Variants in ERC2 observed in about 807,000 individuals in gnomAD.
The protein encoded by ERC2 is ELKS/RAB6-interacting/CAST family member 2, also known as ERC protein 2.
A neutral mutation model predicts 114.8 loss-of-function variants in ERC2; 42 were observed. The ratio of observed to expected loss-of-function variants is 0.37; its 90% confidence interval spans 0.29 to 0.47. The LOEUF (loss-of-function observed/expected upper bound fraction) is 0.47, where lower values mean the gene tolerates loss of function less well. Ranked by LOEUF, ERC2 falls within the 20% of genes least tolerant of loss-of-function variation. The pLI is 0.99. For missense variants in ERC2, 939 were observed against 1,150.7 expected (o/e 0.82, Z 2.66); for synonymous variants, 454 against 425.5 (o/e 1.07, Z -0.82).
At chr3:56,190,740 A>AT (rs1202065130) in intron 3 of ERC2, among the ~76,000 whole-genome samples, 1 of 151,684 alleles carries the variant, frequency 6.6e-6, no homozygotes. Context: ...CACCCAGATA[A>AT]TTTTTTTTAT....
chr3:56,167,881 G>A (rs977973459), intron 4 of ERC2, among the ~76,000 whole-genome samples: 4 of 152,096 alleles, frequency 2.6e-5, no homozygotes, highest in African/African-American at 9.7e-5. Flanking sequence ...ACACATGCAT[G>A]TAAAAAGGAT....
intron 8 of ERC2, among the ~76,000 whole-genome samples, chr3:56,015,478 T>C (rs1281775379): frequency 6.6e-6 from 1 of 152,122 alleles, no homozygotes; most frequent in Non-Finnish European, 1.5e-5. Context: ...TTTCTGTTCC[T>C]GCATTAGTTT....
intron 13 of ERC2, among the ~76,000 whole-genome samples, chr3:55,905,402 A>C (rs1396065421): frequency 6.6e-6 from 1 of 151,222 alleles, no homozygotes; most frequent in Non-Finnish European, 1.5e-5. Context: ...TTTTTTGTGG[A>C]CCTCACAGTT....
chr3:55,536,217 T>C (rs2053990983), intron 17 of ERC2, among the ~76,000 whole-genome samples: 2 of 152,178 alleles, frequency 1.3e-5, no homozygotes. Context: ...CTGATTTAGC[T>C]TTCTCCTGTC....
At position 56,266,510 on chromosome 3, in the gene ERC2, G is replaced by A. The variant is rs957193686; in HGVS notation, c.1074+29509C>T. Among the ~76,000 whole-genome samples, 10 of 152,154 alleles carry A rather than the reference G, an allele frequency of 6.6e-5. 1 individual carries two copies. Among genetic ancestry groups the A allele is most frequent in the Non-Finnish European group, 4.4e-5 (3 of 68,042 alleles). On this transcript the variant is annotated intron_variant, in intron 3 of 17. Coordinates refer to ENST00000288221, the MANE Select transcript of ERC2 (RefSeq NM_015576.3). ...TCAAAAAATAGTCTTCAGGTTTATG[G>A]AAAGGTGCTCAACATCACTAATCAT...
intron 7 of ERC2, among the ~76,000 whole-genome samples, chr3:56,080,112 T>G (rs531159051): frequency 6.6e-6 from 1 of 152,224 alleles, no homozygotes; most frequent in East Asian, 1.9e-4. Context: ...CAGCCATTGG[T>G]TTCTCTTCAC....
intron 10 of ERC2, among the ~76,000 whole-genome samples, chr3:55,997,385 T>A (rs1207121978): frequency 6.6e-6 from 1 of 151,858 alleles, no homozygotes; most frequent in African/African-American, 2.4e-5. Flanking sequence ...TAGAAACTAT[T>A]TTGAAAATTA....
intron 2 of ERC2, among the ~76,000 whole-genome samples, chr3:56,327,581 C>T (rs546748532): frequency 6.6e-6 from 1 of 152,262 alleles, no homozygotes; most frequent in African/African-American, 2.4e-5. Context: ...GAGGCTGAGG[C>T]AGAAGAATCG....
At chr3:55,884,176 G>T (rs1278206228) in intron 14 of ERC2, among the ~76,000 whole-genome samples, 1 of 152,160 alleles carries the variant, frequency 6.6e-6, no homozygotes, top group Non-Finnish European at 1.5e-5. Flanking sequence ...ACAGCAGAAT[G>T]CTTATCAGAA....
At chr3:55,640,674 T>C (rs138018002) in intron 17 of ERC2, among the ~76,000 whole-genome samples, 57 of 152,118 alleles carry the variant, frequency 3.7e-4, no homozygotes, top group African/African-American at 1.3e-3. Flanking sequence ...CAGAAGACCA[T>C]ATGAGAAAGT....
chr3:56,443,976 T>TTTTTTTTC (rs2062441306), intron 1 of ERC2, among the ~76,000 whole-genome samples: 1 of 139,640 alleles, frequency 7.2e-6, no homozygotes, highest in Non-Finnish European at 1.6e-5. Flanking sequence ...TTTTTTTTTT[T>TTTTTTTTC]GGTTGAGATG....
chr3:56,084,704 G>A (rs938338207), intron 6 of ERC2, among the ~76,000 whole-genome samples: 8 of 151,988 alleles, frequency 5.3e-5, no homozygotes, highest in African/African-American at 1.9e-4. Context: ...AGACTTAGAA[G>A]CAGGAAGGGT....
At chr3:56,365,584 C>T (rs1222545071) in intron 2 of ERC2, among the ~76,000 whole-genome samples, 1 of 152,234 alleles carries the variant, frequency 6.6e-6, no homozygotes, top group Non-Finnish European at 1.5e-5. Context: ...AAATCCAACC[C>T]ATCACCTGTT....
intron 17 of ERC2, among the ~76,000 whole-genome samples, chr3:55,683,180 G>A (rs1425319454): frequency 1.3e-5 from 2 of 152,140 alleles, no homozygotes; most frequent in Non-Finnish European, 1.5e-5. Context: ...CTGCTAATAT[G>A]AATGTTTCTA....
At chr3:56,374,800 C>T (rs757322766) in intron 2 of ERC2, among the ~76,000 whole-genome samples, 38 of 152,186 alleles carry the variant, frequency 2.5e-4, no homozygotes, top group South Asian at 2.1e-4. Flanking sequence ...ATCAACAGAG[C>T]AAAGGCTACA....
At chr3:56,271,764 T>C (rs902971197) in intron 3 of ERC2, among the ~76,000 whole-genome samples, 3 of 152,158 alleles carry the variant, frequency 2.0e-5, no homozygotes, top group Non-Finnish European at 2.9e-5. Context: ...TCCTCCCACC[T>C]TCCACCCTCA....
At chr3:55,543,045 T>G (rs1438921652) in intron 17 of ERC2, among the ~76,000 whole-genome samples, 1 of 152,212 alleles carries the variant, frequency 6.6e-6, no homozygotes, top group Non-Finnish European at 1.5e-5. Flanking sequence ...CTCTGGTGTT[T>G]CACTGCAAGT....
At chr3:56,450,756 A>G (rs1460003163) in intron 1 of ERC2, among the ~76,000 whole-genome samples, 2 of 152,170 alleles carry the variant, frequency 1.3e-5, no homozygotes, top group Non-Finnish European at 2.9e-5. Context: ...GCTTGAGTCC[A>G]GGAGTTCAAG....
chr3:55,954,009 C>T (rs983050262), intron 12 of ERC2, among the ~76,000 whole-genome samples: 3 of 143,946 alleles, frequency 2.1e-5, no homozygotes, highest in South Asian at 4.5e-4. Flanking sequence ...TGCCCCAGAA[C>T]CAAGTATCAC....
Sources: gnomAD v4.1 joint callset for allele counts (sites outside exome capture counted in the v4.1 genomes callset) on GRCh38, gnomAD v4.1.1 for gene constraint, MANE v1.5 for transcripts, NCBI Gene and HGNC (gene_info 2026-07-23, HGNC 2026-07-21) for gene names.